INVS: variants seen among roughly 807,000 people sequenced by gnomAD.
The protein encoded by INVS is inversion of embryo turning homolog.
INVS carries 86 observed loss-of-function variants against 108.8 expected under a neutral mutation model. That is an observed-to-expected ratio of 0.79 (90% CI 0.66 to 0.95). The LOEUF (loss-of-function observed/expected upper bound fraction) is 0.95, where lower values mean the gene tolerates loss of function less well. Ranked by LOEUF, INVS falls within the 40% of genes least tolerant of loss-of-function variation. The pLI, the probability that INVS is intolerant of heterozygous loss-of-function variation, is 0.00. For synonymous variants in INVS, 455 were observed against 473.5 expected, an observed-to-expected ratio of 0.96 and a Z score of 0.51; for missense variants, 1,169 against 1,297.4, an observed-to-expected ratio of 0.90 and a Z score of 1.52.
At chr9:100,297,189 A>C (rs1381822365) in intron 15 of INVS, 43 bp downstream of exon 15, 2 of 1,461,400 alleles carry the variant, frequency 1.4e-6, no homozygotes, top group Admixed American at 1.7e-5. Flanking sequence ...AAGTACCCCC[A>C]GAGTACCACA....
intron 3 of INVS, among the ~76,000 whole-genome samples, chr9:100,222,392 T>C (rs1480989582): frequency 6.6e-6 from 1 of 152,220 alleles, no homozygotes; most frequent in Non-Finnish European, 1.5e-5. Context: ...AAATGTTTGA[T>C]GATACTTCTG....
At chr9:100,129,479 G>A (rs954999619) in intron 3 of INVS, among the ~76,000 whole-genome samples, 3 of 151,908 alleles carry the variant, frequency 2.0e-5, no homozygotes, top group Non-Finnish European at 4.4e-5. Context: ...GGGGACTGGA[G>A]TGAGACCCTG....
intron 5 of INVS, among the ~76,000 whole-genome samples, chr9:100,238,972 A>G (rs1417711394): frequency 6.6e-6 from 1 of 152,260 alleles, no homozygotes; most frequent in Non-Finnish European, 1.5e-5. Context: ...GGAAAAATGC[A>G]GTAAGCTTGA....
intron 8 of INVS, among the ~76,000 whole-genome samples, chr9:100,250,761 T>TA (rs749150542): frequency 2.5e-4 from 38 of 152,314 alleles, no homozygotes; most frequent in Admixed American, 1.4e-3. Flanking sequence ...CTACTACAAA[T>TA]ACTTTCTCCT....
intron 3 of INVS, among the ~76,000 whole-genome samples, chr9:100,186,799 C>T (rs1283915739): frequency 2.0e-5 from 3 of 152,052 alleles, no homozygotes; most frequent in Non-Finnish European, 4.4e-5. Context: ...TATGTTCTTC[C>T]ATTTTGTGGG....
intron 3 of INVS, chr9:100,175,806 C>T (rs1829693442): frequency 3.0e-6 from 2 of 668,882 alleles, no homozygotes; most frequent in Non-Finnish European, 5.5e-6. Context: ...TTCCTGAACA[C>T]TCAGACCTGG....
intron 3 of INVS, among the ~76,000 whole-genome samples, chr9:100,192,248 AGT>A (rs58132596): frequency 0.023 from 3,284 of 144,814 alleles, 42 homozygotes; most frequent in South Asian, 0.081. Context: ...GGGAAAAAAG[AGT>A]GTGTGTGTGT....
intron 3 of INVS, among the ~76,000 whole-genome samples, chr9:100,166,393 C>T (rs1829365872): frequency 6.6e-6 from 1 of 152,130 alleles, no homozygotes; most frequent in African/African-American, 2.4e-5. Context: ...CATGGTGGTA[C>T]ATGCCTGTTG....
At chr9:100,184,673 A>C (rs1341582869) in intron 3 of INVS, among the ~76,000 whole-genome samples, 1 of 152,162 alleles carries the variant, frequency 6.6e-6, no homozygotes, top group East Asian at 1.9e-4. Context: ...ACATATTTAG[A>C]ATAATATGAC....
At chr9:100,179,551 A>G (rs950569959) in intron 3 of INVS, among the ~76,000 whole-genome samples, 19 of 152,216 alleles carry the variant, frequency 1.2e-4, no homozygotes, top group African/African-American at 4.3e-4. Context: ...AAACAAGGGC[A>G]TTACATAATG....
intron 10 of INVS, among the ~76,000 whole-genome samples, chr9:100,255,548 G>A (rs557309327): frequency 2.6e-5 from 4 of 152,222 alleles, no homozygotes; most frequent in Admixed American, 2.0e-4. Context: ...TTGGCTGTGG[G>A]TTTGTCATAA....
At chr9:100,200,950 A>G (rs1353003653) in intron 3 of INVS, among the ~76,000 whole-genome samples, 2 of 152,328 alleles carry the variant, frequency 1.3e-5, no homozygotes, top group South Asian at 2.1e-4. Flanking sequence ...GCCAGATTTC[A>G]TTCACTCATT....
chr9:100,200,379 G>C (rs1292774026), intron 3 of INVS, among the ~76,000 whole-genome samples: 3 of 152,032 alleles, frequency 2.0e-5, no homozygotes, highest in Non-Finnish European at 4.4e-5. Flanking sequence ...TCAGAATTGT[G>C]GATGATACCT....
At chr9:100,184,913 A>G (rs1830009307) in intron 3 of INVS, among the ~76,000 whole-genome samples, 1 of 152,170 alleles carries the variant, frequency 6.6e-6, no homozygotes, top group African/African-American at 2.4e-5. Flanking sequence ...CTCAAGTTAC[A>G]ATTAATTTGT....
chr9:100,265,986 G>A (rs1832779420), intron 11 of INVS, among the ~76,000 whole-genome samples: 1 of 152,218 alleles, frequency 6.6e-6, no homozygotes, highest in African/African-American at 2.4e-5. Context: ...GGCTGAAGCA[G>A]GAGAATTGCT....
At chr9:100,099,574 G>A (rs1232147993) in intron 1 of INVS, among the ~76,000 whole-genome samples, 158 bp downstream of exon 1, 2 of 152,296 alleles carry the variant, frequency 1.3e-5, no homozygotes, top group Admixed American at 6.5e-5. Flanking sequence ...TCTAATTCCT[G>A]CATTATAAAG....
At chr9:100,258,443 T>G (rs1832498545) in intron 10 of INVS, among the ~76,000 whole-genome samples, 1 of 152,164 alleles carries the variant, frequency 6.6e-6, no homozygotes, top group South Asian at 2.1e-4. Context: ...AGCTTTGTTG[T>G]GTTGCTAGCG....
In INVS at chr9:100,292,718, G is replaced by A; in HGVS notation, c.2461G>A (p.Ala821Thr). The A allele has an allele frequency of 6.2e-7, 1 of 1,614,184 alleles. No homozygotes were observed. The highest frequency in any genetic ancestry group is 8.5e-7 in the Non-Finnish European group (1 of 1,180,026). The change falls in exon 14 of 17, where the codon GCT becomes ACT. Residue 821 changes from alanine (A) to threonine (T), a missense_variant. Coordinates refer to ENST00000262457, the MANE Select transcript of INVS (RefSeq NM_014425.5). ...PGSARGEAVHAGQNPPHHRTP... is the reference protein window; with the variant it reads ...PGSARGEAVHTGQNPPHHRTP... Reference sequence around the variant, plus strand: ...CAGTGCCCGGGGGGAGGCGGTCCATGCTGGGCAGAATCCTCCCCACCATCG... The same window carrying A: ...CAGTGCCCGGGGGGAGGCGGTCCATACTGGGCAGAATCCTCCCCACCATCG...
At chr9:100,264,788 T>C (rs1832734873) in intron 10 of INVS, 34 bp from the exon 11 acceptor site, 1 of 1,371,472 alleles carries the variant, frequency 7.3e-7, no homozygotes, top group Non-Finnish European at 1.0e-6. Context: ...AAATACTTAC[T>C]CCAGATGTAC....
Sources: allele counts gnomAD v4.1 joint callset (sites outside exome capture counted in the v4.1 genomes callset), GRCh38; gene constraint gnomAD v4.1.1; transcripts MANE v1.5; gene names NCBI Gene and HGNC (gene_info 2026-07-23, HGNC 2026-07-21).